APBA1: variants seen among roughly 807,000 people sequenced by gnomAD.
APBA1 encodes amyloid-beta A4 precursor protein-binding family A member 1.
APBA1 carries 55 observed loss-of-function variants against 86.6 expected under a neutral mutation model. The observed-to-expected ratio is 0.64, with a 90% CI of 0.51 to 0.80. The LOEUF is 0.80. Among genes scored for constraint, APBA1 ranks in the 30% least tolerant of loss-of-function variants. The probability of loss-of-function intolerance (pLI) is 0.00; values close to 1 mark genes in which losing one functional copy is unlikely to be tolerated. For missense variants in APBA1, 1,090 were observed against 1,183.0 expected (o/e 0.92, Z 1.15); for synonymous variants, 511 against 493.9 (o/e 1.03, Z -0.46).
chr9:69,431,276 A>G lies in APBA1; in HGVS notation c.*51T>C. ...GACACAGGGATGCAGCACGAGAAAC[A>G]CAACCACGAAGAGGAGAGTCCTCCA... On this transcript the variant is annotated 3_prime_UTR_variant, in exon 13 of 13. Transcript: ENST00000265381. 1 of 1,455,056 alleles carries G rather than the reference A, an allele frequency of 6.9e-7. No individual in the cohort carries two copies. The highest frequency in any genetic ancestry group is 9.3e-7 in the Non-Finnish European group (1 of 1,074,954). 90.1% of individuals were successfully genotyped at this position (1,455,056 alleles called of 1,614,324 possible).
chr9:69,524,766 G>A (rs777439859), intron 1 of APBA1, among the ~76,000 whole-genome samples: 1 of 152,010 alleles, frequency 6.6e-6, no homozygotes, highest in Non-Finnish European at 1.5e-5. Context: ...CAAAAACCTG[G>A]AAAAGACACA....
In APBA1 at chr9:69,440,805, G is replaced by A. The variant is rs144633882; in HGVS notation, c.2301+191C>T. Among the ~76,000 whole-genome samples, 895 of 152,192 alleles carry A rather than the reference G, an allele frequency of 5.9e-3. 3 individuals carry two copies. Among genetic ancestry groups the A allele is most frequent in the African/African-American group, 0.02 (851 of 41,538 alleles). ...ACCCACTGTCCTGCACCCACTGACC[G>A]GCACTCCCCAGTGAGATGAACCTGG... is the stretch of plus-strand genomic sequence containing the variant. On this transcript the variant is annotated intron_variant, in intron 11 of 12. Coordinates refer to ENST00000265381, the MANE Select transcript of APBA1 (RefSeq NM_001163.4).
chr9:69,447,554 T>C (rs932596289), intron 10 of APBA1, among the ~76,000 whole-genome samples: 6 of 152,116 alleles, frequency 3.9e-5, no homozygotes, highest in African/African-American at 1.4e-4. Context: ...ACAGTCTCCA[T>C]ACATTTTGGG....
At chr9:69,436,702 A>G (rs921562985) in intron 11 of APBA1, among the ~76,000 whole-genome samples, 1 of 151,960 alleles carries the variant, frequency 6.6e-6, no homozygotes, top group Non-Finnish European at 1.5e-5. Flanking sequence ...TTCTAGATAT[A>G]CAATCATGTC....
At chr9:69,493,349 C>T (rs1835743543) in intron 2 of APBA1, among the ~76,000 whole-genome samples, 1 of 152,072 alleles carries the variant, frequency 6.6e-6, no homozygotes, top group Admixed American at 6.5e-5. Flanking sequence ...ACCTGCGTTT[C>T]TGCTCAGCGT....
intron 1 of APBA1, among the ~76,000 whole-genome samples, chr9:69,624,730 T>C (rs560800876): frequency 3.9e-4 from 59 of 152,302 alleles, no homozygotes; most frequent in African/African-American, 1.4e-3. Context: ...AACTTGGTTC[T>C]TGAGCAAGGG....
chr9:69,658,290 C>CTT lies in APBA1; in HGVS notation c.-70+13862_-70+13863insAA, dbSNP rs1349077589. Among the ~76,000 whole-genome samples the CTT allele has an allele frequency of 3.9e-3, 317 of 81,952 alleles. 13 individuals carry two copies. Among genetic ancestry groups the CTT allele is most frequent in the Middle Eastern group, 0.014 (2 of 148 alleles). 53.8% of individuals were successfully genotyped at this position (81,952 alleles called of 152,430 possible). ...TTTCTTTCTTTCTTTCTTTCTCTCT[C>CTT]TCTTTCTCTCTCTCTCTTTCTTTCT... On this transcript the variant is annotated intron_variant, in intron 1 of 12. Transcript: ENST00000265381.
At chr9:69,577,609 C>A (rs1821829377) in intron 1 of APBA1, among the ~76,000 whole-genome samples, 1 of 152,102 alleles carries the variant, frequency 6.6e-6, no homozygotes, top group Non-Finnish European at 1.5e-5. Context: ...GAAGAAACCA[C>A]AGGAGGGAAA....
At chr9:69,463,387 C>G (rs930596447) in intron 5 of APBA1, 2 of 152,148 alleles carry the variant, frequency 1.3e-5, no homozygotes, top group African/African-American at 4.8e-5. Flanking sequence ...AAATACCTGG[C>G]CAAACCGCAG....
chr9:69,520,194 C>T (rs915612261), intron 1 of APBA1, among the ~76,000 whole-genome samples: 3 of 151,968 alleles, frequency 2.0e-5, no homozygotes, highest in Admixed American at 6.6e-5. Context: ...AGGAAGGAGC[C>T]GAAGTTGATG....
At chr9:69,485,763 C>A (rs1835598866) in intron 2 of APBA1, among the ~76,000 whole-genome samples, 1 of 152,078 alleles carries the variant, frequency 6.6e-6, no homozygotes, top group Non-Finnish European at 1.5e-5. Flanking sequence ...AATGTTCTAG[C>A]AGATTCTCTA....
At position 69,516,874 on chromosome 9, in the gene APBA1, C is replaced by T. The variant is rs1050385558; in HGVS notation, c.337G>A (p.Glu113Lys). ...TGCACAGCATAGGCGCTCTCGTCCT[C>T]GGGGTCCTGCGCGCGCTCCGCATCG... ...GYDAERAQDP[E>K]DESAYAVQYR... The change falls in exon 2 of 13, where the codon GAG becomes AAG. Residue 113 changes from glutamate (E) to lysine (K), a missense_variant. Glu to Lys is a moderately conservative substitution (Grantham distance 56). Transcript: ENST00000265381. The surrounding 1 kb of genome is among the most constrained non-coding windows in gnomAD (Gnocchi z 7.3). 1.9e-6 allele frequency: 3 copies of T among 1,595,384 alleles called. No individual in the cohort carries two copies. The highest frequency in any genetic ancestry group is 1.3e-5 in the African/African-American group (1 of 74,724).
At chr9:69,454,468 G>A (rs1175202544) in intron 8 of APBA1, among the ~76,000 whole-genome samples, 1 of 152,206 alleles carries the variant, frequency 6.6e-6, no homozygotes, top group Non-Finnish European at 1.5e-5. Flanking sequence ...CTATGAGAGT[G>A]CCACAGCAGC....
chr9:69,599,834 T>C (rs1303173417), intron 1 of APBA1, among the ~76,000 whole-genome samples: 5 of 152,170 alleles, frequency 3.3e-5, no homozygotes, highest in Admixed American at 3.3e-4. Flanking sequence ...TGCCAAATGT[T>C]AAGAACCAGC....
chr9:69,481,846 A>G (rs1180338525), intron 2 of APBA1, among the ~76,000 whole-genome samples: 1 of 152,014 alleles, frequency 6.6e-6, no homozygotes, highest in African/African-American at 2.4e-5. Flanking sequence ...TCTTTGACAA[A>G]CCTGAGAAAA....
chr9:69,672,535 G>C (rs1823976954), upstream of APBA1, among the ~76,000 whole-genome samples: 2 of 147,246 alleles, frequency 1.4e-5, 1 homozygote, highest in South Asian at 4.2e-4. Context: ...CCACTCGCGT[G>C]CGCGCGCGGC....
chr9:69,466,131 G>C (rs1286528559), intron 5 of APBA1, among the ~76,000 whole-genome samples: 1 of 152,138 alleles, frequency 6.6e-6, no homozygotes, highest in African/African-American at 2.4e-5. Context: ...GCTTGGGGGA[G>C]AAGCATTTTC....
chr9:69,486,950 T>G (rs1198414401), intron 2 of APBA1, among the ~76,000 whole-genome samples: 1 of 151,872 alleles, frequency 6.6e-6, no homozygotes, highest in African/African-American at 2.4e-5. Context: ...AACTATTTCC[T>G]GAGTTGAACC....
intron 1 of APBA1, among the ~76,000 whole-genome samples, chr9:69,561,534 A>G (rs1312724150): frequency 6.6e-6 from 1 of 152,228 alleles, no homozygotes; most frequent in Admixed American, 6.5e-5. Flanking sequence ...TTACAAACCA[A>G]TCAACATCTG....
Sources: allele counts gnomAD v4.1 joint callset (sites outside exome capture counted in the v4.1 genomes callset), GRCh38; gene constraint gnomAD v4.1.1; non-coding constraint Gnocchi (gnomAD v3.1); transcripts MANE v1.5; gene names NCBI Gene and HGNC (gene_info 2026-07-23, HGNC 2026-07-21).